Variants in MEIS2 observed in about 807,000 individuals in gnomAD.
The protein encoded by MEIS2 is homeobox protein Meis2.
A neutral mutation model predicts 58.6 loss-of-function variants in MEIS2; 9 were observed. That is an observed-to-expected ratio of 0.15 (90% CI 0.09 to 0.27). MEIS2 has a LOEUF of 0.27. MEIS2 is among the 10% of genes least tolerant of loss of function. The pLI is 1.00. For synonymous variants in MEIS2, 221 were observed against 228.4 expected (o/e 0.97, Z 0.29); for missense variants, 427 against 635.0 (o/e 0.67, Z 3.52).
intron 9 of MEIS2, among the ~76,000 whole-genome samples, chr15:36,899,100 T>C (rs982311262): frequency 1.6e-4 from 24 of 152,252 alleles, no homozygotes; most frequent in Non-Finnish European, 4.4e-5. Flanking sequence ...TTAGCCTCTC[T>C]GGATTTTTGT....
intron 8 of MEIS2, among the ~76,000 whole-genome samples, chr15:36,996,042 C>T (rs187495834): frequency 0.035 from 3,491 of 101,058 alleles, 98 homozygotes; most frequent in Admixed American, 0.12. Flanking sequence ...TACACACACA[C>T]ACACATATAT....
chr15:37,076,316 A>C (rs1410628726), intron 7 of MEIS2, among the ~76,000 whole-genome samples: 1 of 152,112 alleles, frequency 6.6e-6, no homozygotes, highest in Non-Finnish European at 1.5e-5. Flanking sequence ...CAAAGTAAAG[A>C]CAATGAAGGG....
chr15:37,063,793 T>C (rs1273714009), intron 7 of MEIS2, among the ~76,000 whole-genome samples: 2 of 152,180 alleles, frequency 1.3e-5, no homozygotes, highest in Non-Finnish European at 1.5e-5. Context: ...AAACAAGAAA[T>C]TAGTTCACAT....
At chr15:36,943,723 C>T (rs1401440125) in intron 9 of MEIS2, among the ~76,000 whole-genome samples, 2 of 152,022 alleles carry the variant, frequency 1.3e-5, no homozygotes, top group Admixed American at 1.3e-4. Flanking sequence ...GATAATGCTG[C>T]CAGCTTGCTA....
At chr15:36,976,246 A>G (rs529147954) in intron 8 of MEIS2, among the ~76,000 whole-genome samples, 6 of 151,780 alleles carry the variant, frequency 4.0e-5, no homozygotes, top group South Asian at 4.2e-4. Context: ...CACCATGCCC[A>G]GCTAATTTTT....
intron 9 of MEIS2, among the ~76,000 whole-genome samples, chr15:36,922,606 A>ACTTT (rs1392110244): frequency 2.1e-5 from 3 of 143,110 alleles, no homozygotes; most frequent in Admixed American, 7.1e-5. Flanking sequence ...AACCTCAGTA[A>ACTTT]CTTTCTTTCT....
At chr15:37,056,455 A>C (rs1888410687) in intron 7 of MEIS2, among the ~76,000 whole-genome samples, 1 of 152,220 alleles carries the variant, frequency 6.6e-6, no homozygotes, top group South Asian at 2.1e-4. Flanking sequence ...TTTCCTTCAG[A>C]AAGAAAAGAT....
chr15:36,909,557 G>A (rs2056903254), intron 9 of MEIS2, among the ~76,000 whole-genome samples: 1 of 152,114 alleles, frequency 6.6e-6, no homozygotes, highest in Non-Finnish European at 1.5e-5. Context: ...ACAGAACTAA[G>A]GTGGGAAATA....
chr15:37,077,159 T>C (rs1050609407), intron 7 of MEIS2, among the ~76,000 whole-genome samples: 1 of 152,056 alleles, frequency 6.6e-6, no homozygotes, highest in African/African-American at 2.4e-5. Flanking sequence ...TAGTGACATA[T>C]CAAAGCTCAA....
At chr15:37,036,034 G>A (rs1445933249) in intron 8 of MEIS2, among the ~76,000 whole-genome samples, 1 of 152,118 alleles carries the variant, frequency 6.6e-6, no homozygotes, top group Non-Finnish European at 1.5e-5. Flanking sequence ...TAAAATATAA[G>A]CATGCCTAGT....
At chr15:37,084,984 G>A (rs1327534909) in intron 6 of MEIS2, among the ~76,000 whole-genome samples, 1 of 152,076 alleles carries the variant, frequency 6.6e-6, no homozygotes, top group Non-Finnish European at 1.5e-5. Flanking sequence ...GGGGGCCAGA[G>A]GAAGGGGCAA....
At chr15:37,030,273 C>G (rs890872246) in intron 8 of MEIS2, among the ~76,000 whole-genome samples, 4 of 152,164 alleles carry the variant, frequency 2.6e-5, no homozygotes, top group African/African-American at 9.7e-5. Flanking sequence ...ATGCTATCAC[C>G]TAGCTTCAAC....
At chr15:36,899,204 T>C (rs538973963) in intron 9 of MEIS2, among the ~76,000 whole-genome samples, 5 of 152,320 alleles carry the variant, frequency 3.3e-5, no homozygotes, top group East Asian at 1.9e-4. Context: ...TAAAAACATA[T>C]GGGCCCCAAA....
rs910532801 is a variant in MEIS2 at position 36,893,944 on chromosome 15, A to G, written c.1147+1207T>C. Among the ~76,000 whole-genome samples, 4 of 152,358 alleles carry G rather than the reference A, an allele frequency of 2.6e-5. No homozygotes were observed. In the South Asian group the frequency reaches 8.3e-4, roughly 32 times the overall value. ...AATTTTTTTATGCTCTGGTGTCTTC[A>G]GCAAAGGATATATCTTGTTGGCAGA... is the stretch of plus-strand genomic sequence containing the variant. On this transcript the variant is annotated intron_variant, in intron 11 of 11. Coordinates refer to ENST00000561208, the MANE Select transcript of MEIS2 (RefSeq NM_170675.5).
At chr15:37,096,184 A>C in intron 3 of MEIS2, 105 bp downstream of exon 3, 1 of 1,280,752 alleles carries the variant, frequency 7.8e-7, no homozygotes, top group Non-Finnish European at 1.1e-6. Context: ...GGCCAGAGGA[A>C]CAGATAGGGT....
At chr15:36,913,887 T>G (rs1287917669) in intron 9 of MEIS2, among the ~76,000 whole-genome samples, 1 of 152,176 alleles carries the variant, frequency 6.6e-6, no homozygotes, top group Admixed American at 6.5e-5. Flanking sequence ...TCCGCCATCT[T>G]GTTTTGCTTT....
chr15:37,072,142 T>A (rs972451505), intron 7 of MEIS2, among the ~76,000 whole-genome samples: 12 of 152,016 alleles, frequency 7.9e-5, no homozygotes, highest in African/African-American at 2.9e-4. Context: ...CTATATGGAG[T>A]CTTCTTTCTC....
At chr15:37,077,959 T>A (rs1891639885) in intron 7 of MEIS2, among the ~76,000 whole-genome samples, 2 of 152,108 alleles carry the variant, frequency 1.3e-5, no homozygotes, top group Admixed American at 1.3e-4. Context: ...AAGAATTTAG[T>A]CTCAGAGCAG....
rs186210294 is a variant in MEIS2 at position 36,976,913 on chromosome 15, C to T, written c.901-26513G>A. ...CCAAGGCAGGCGGATCACCTGAAGT[C>T]GGGAGTTCGAGACCAGCCTGACCAA... On this transcript the variant is annotated intron_variant, in intron 8 of 11. Transcript: ENST00000561208. Among the ~76,000 whole-genome samples, 78 of 152,256 alleles carry T rather than the reference C, an allele frequency of 5.1e-4. 1 individual carries two copies. In the East Asian group the frequency reaches 9.3e-3, roughly 18 times the overall value.
Sources: allele counts gnomAD v4.1 joint callset (sites outside exome capture counted in the v4.1 genomes callset), GRCh38; gene constraint gnomAD v4.1.1; transcripts MANE v1.5; gene names NCBI Gene and HGNC (gene_info 2026-07-23, HGNC 2026-07-21).